Variants in LIMK2 observed in about 807,000 individuals in gnomAD.
The protein encoded by LIMK2 is LIM domain kinase 2.
In LIMK2, 35 loss-of-function variants were observed where a neutral mutation model predicts 75.7. The ratio of observed to expected loss-of-function variants is 0.46; its 90% CI spans 0.35 to 0.61. The LOEUF (loss-of-function observed/expected upper bound fraction) is 0.61. Ranked by LOEUF, LIMK2 falls within the 20% of genes least tolerant of loss-of-function variation. The pLI, the probability that LIMK2 is intolerant of heterozygous loss-of-function variation, is 0.00. For missense variants in LIMK2, 623 were observed against 831.0 expected (o/e 0.75, Z 3.08); for synonymous variants, 301 against 319.2 (o/e 0.94, Z 0.61).
chr22:31,234,264 G>A (rs1285877458), intron 2 of LIMK2, among the ~76,000 whole-genome samples: 9 of 149,716 alleles, frequency 6.0e-5, no homozygotes, highest in African/African-American at 2.5e-5. Context: ...CACCTGCCTC[G>A]GCCTCCCAAA....
intron 1 of LIMK2, among the ~76,000 whole-genome samples, chr22:31,214,850 C>T (rs1175030741): frequency 6.6e-6 from 1 of 152,138 alleles, no homozygotes; most frequent in Non-Finnish European, 1.5e-5. Context: ...TGCTGGAGTA[C>T]AGTGGCGCGA....
At chr22:31,261,992 T>G in intron 5 of LIMK2, 142 bp from the exon 6 acceptor site, 1 of 674,578 alleles carries the variant, frequency 1.5e-6, no homozygotes, top group East Asian at 2.6e-5. Context: ...CTGGAAAAGG[T>G]GTTGCCTTTC....
chr22:31,278,470 T>G lies in LIMK2; in HGVS notation c.*29T>G, dbSNP rs2123876527. The G allele has an allele frequency of 6.4e-7, 1 of 1,570,676 alleles. No homozygotes were observed. The highest frequency in any genetic ancestry group is 1.9e-5 in the Admixed American group (1 of 53,854). ...TGGCCCAGCCCCCTGCAGGGGGGTG[T>G]TCTACAGCCAGCATTGCCCCTCTGT... On this transcript the variant is annotated 3_prime_UTR_variant, in exon 16 of 16. Coordinates refer to ENST00000331728, the MANE Select transcript of LIMK2 (RefSeq NM_005569.4).
At chr22:31,271,103 G>A (rs764389400) in intron 11 of LIMK2, 33 bp from the exon 12 acceptor site, 1 of 1,593,596 alleles carries the variant, frequency 6.3e-7, no homozygotes. Flanking sequence ...TGATTTGCTG[G>A]CCCTGTAGCC....
At chr22:31,225,528 G>A (rs1338882588) in intron 1 of LIMK2, among the ~76,000 whole-genome samples, 192 bp from the exon 2 acceptor site, 1 of 152,222 alleles carries the variant, frequency 6.6e-6, no homozygotes, top group Admixed American at 6.5e-5. Context: ...CCTTGTCCCT[G>A]GAGAGATGAG....
At chr22:31,267,109 A>G (rs1427444479) in intron 9 of LIMK2, 39 bp downstream of exon 9, 2 of 1,176,960 alleles carry the variant, frequency 1.7e-6, no homozygotes, top group Admixed American at 1.9e-5. Context: ...TGGTGTCACC[A>G]TTGGAAGAGA....
At chr22:31,228,477 C>T (rs1198634802) in intron 2 of LIMK2, among the ~76,000 whole-genome samples, 1 of 152,004 alleles carries the variant, frequency 6.6e-6, no homozygotes, top group Non-Finnish European at 1.5e-5. Flanking sequence ...GTTTTAAATC[C>T]TGGCTTTGCA....
chr22:31,223,418 G>A (rs1339887493), intron 1 of LIMK2, among the ~76,000 whole-genome samples: 3 of 152,182 alleles, frequency 2.0e-5, no homozygotes, highest in African/African-American at 7.2e-5. Context: ...GAATTGTTGA[G>A]TAAGTGGGTG....
chr22:31,259,946 G>A lies in LIMK2; in HGVS notation c.420G>A (p.Glu140=). ...LAPMFERLST[E]SVQEQLPYSV... ...CCATGTTTGAGAGACTCTCCACAGA[G>A]TCTGTTCAGGAGCAGCTGCCCTACT... The change falls in exon 5 of 16, where the codon GAG becomes GAA. Residue 140 remains glutamate (E), a synonymous_variant. Coordinates refer to ENST00000331728, the MANE Select transcript of LIMK2 (RefSeq NM_005569.4). The A allele has an allele frequency of 6.2e-7, 1 of 1,611,138 alleles. No individual in the cohort carries two copies. Among genetic ancestry groups the A allele is most frequent in the Non-Finnish European group, 8.5e-7 (1 of 1,179,350 alleles).
At chr22:31,259,334 G>T (rs1367958840) in intron 4 of LIMK2, 104 bp downstream of exon 4, 8 of 691,162 alleles carry the variant, frequency 1.2e-5, no homozygotes, top group Non-Finnish European at 2.1e-5. Flanking sequence ...GGTAGTCAGA[G>T]CATTGGATTC....
chr22:31,277,530 C>G, intron 15 of LIMK2: 1 of 1,011,528 alleles, frequency 9.9e-7, no homozygotes, highest in South Asian at 4.2e-5. Context: ...TTCAGTAACA[C>G]CAGTGTAAAA....
intron 2 of LIMK2, among the ~76,000 whole-genome samples, chr22:31,256,016 T>TTTTTTTA (rs2048776455): frequency 7.8e-6 from 1 of 127,802 alleles, no homozygotes; most frequent in African/African-American, 3.0e-5. Context: ...TTTTTTTTTT[T>TTTTTTTA]GAGACGGAAT....
intron 2 of LIMK2, 131 bp downstream of exon 2, chr22:31,225,950 C>A: frequency 2.8e-6 from 2 of 724,372 alleles, no homozygotes; most frequent in Non-Finnish European, 4.7e-6. Flanking sequence ...AGGAATGTAC[C>A]AAGGAAGAGC....
intron 1 of LIMK2, among the ~76,000 whole-genome samples, chr22:31,223,929 T>G (rs2048457785): frequency 6.6e-6 from 1 of 152,198 alleles, no homozygotes; most frequent in Non-Finnish European, 1.5e-5. Context: ...GGGGGACAAC[T>G]GTGTACATTG....
chr22:31,219,914 C>G (rs1568981119), intron 1 of LIMK2, among the ~76,000 whole-genome samples: 1 of 152,178 alleles, frequency 6.6e-6, no homozygotes, highest in Admixed American at 6.5e-5. Flanking sequence ...GTTGATAAGT[C>G]TGCAAATATG....
At chr22:31,234,319 G>C (rs2048553182) in intron 2 of LIMK2, among the ~76,000 whole-genome samples, 1 of 145,846 alleles carries the variant, frequency 6.9e-6, no homozygotes, top group Non-Finnish European at 1.5e-5. Context: ...GCTGGAAGGA[G>C]TGATCTTAAA....
At chr22:31,275,737 A>G (rs556724302) in intron 15 of LIMK2, 1 of 163,532 alleles carries the variant, frequency 6.1e-6, no homozygotes, top group East Asian at 1.8e-4. Context: ...AATTCTATTG[A>G]GAGACTGTCT....
intron 11 of LIMK2, among the ~76,000 whole-genome samples, chr22:31,269,058 T>TTTG (rs1569001211): frequency 2.0e-4 from 30 of 147,194 alleles, no homozygotes; most frequent in South Asian, 1.1e-3. Context: ...TTGTTTGTTT[T>TTTG]TTTGTTTTTT....
rs138050769 is a variant in LIMK2 at position 31,234,450 on chromosome 22, C to T, written c.116+8631C>T. The stretch of plus-strand genomic sequence containing the variant: ...CCAAAATCCTTAACTTGGCCAGGCG[C>T]GGTGGCTCACACCTATCATCTCAGC... On this transcript the variant is annotated intron_variant, in intron 2 of 15. Transcript: ENST00000331728. Among the ~76,000 whole-genome samples, 680 of 151,588 alleles carry T rather than the reference C, an allele frequency of 4.5e-3. 5 individuals carry two copies. Among genetic ancestry groups the T allele is most frequent in the African/African-American group, 0.016 (658 of 41,344 alleles).
Sources: gnomAD v4.1 joint callset for allele counts (sites outside exome capture counted in the v4.1 genomes callset) on GRCh38, gnomAD v4.1.1 for gene constraint, MANE v1.5 for transcripts, NCBI Gene and HGNC (gene_info 2026-07-23, HGNC 2026-07-21) for gene names.